The following LRRTM4 variants were observed in gnomAD, a reference collection of about 807,000 sequenced individuals.
The protein encoded by LRRTM4 is leucine-rich repeat transmembrane neuronal protein 4.
In LRRTM4, 25 loss-of-function variants were observed where a neutral mutation model predicts 47.6. The observed-to-expected ratio is 0.53, with a 90% CI of 0.38 to 0.73. The LOEUF (loss-of-function observed/expected upper bound fraction) is 0.73, where lower values mean the gene tolerates loss of function less well. LRRTM4 is among the 30% of genes least tolerant of loss of function. LRRTM4 has a pLI of 0.00. For synonymous variants in LRRTM4, 311 were observed against 269.5 expected (o/e 1.15, Z -1.51); for missense variants, 638 against 713.4 (o/e 0.89, Z 1.20).
At chr2:76,766,436 T>C (rs1372300603) in intron 3 of LRRTM4, among the ~76,000 whole-genome samples, 1 of 152,178 alleles carries the variant, frequency 6.6e-6, no homozygotes, top group Non-Finnish European at 1.5e-5. Context: ...ACTACTGAAA[T>C]GGAGTCCAGG....
intron 3 of LRRTM4, among the ~76,000 whole-genome samples, chr2:76,999,765 C>G (rs1217464220): frequency 6.6e-6 from 1 of 152,130 alleles, no homozygotes; most frequent in Non-Finnish European, 1.5e-5. Context: ...TAGAATTTCT[C>G]TGTCTGTACC....
At chr2:76,946,155 C>T (rs1452399130) in intron 3 of LRRTM4, among the ~76,000 whole-genome samples, 1 of 151,864 alleles carries the variant, frequency 6.6e-6, no homozygotes, top group Admixed American at 6.6e-5. Context: ...AGGTAGAAAT[C>T]CTTCTGCAGA....
chr2:76,996,038 TAAAATAAG>T (rs1159444801), intron 3 of LRRTM4, among the ~76,000 whole-genome samples: 2 of 110,276 alleles, frequency 1.8e-5, no homozygotes, highest in African/African-American at 8.3e-5. Context: ...CTCAGAGAAA[TAAAATAAG>T]AAGATCGTAA....
Position 77,207,372 on chromosome 2 carries a change from T to TATATATATATATACACACAC in LRRTM4, c.1551+310945_1551+310946insGTGTGTGTATATATATATAT, listed in dbSNP as rs59335400. On this transcript the variant is annotated intron_variant, in intron 3 of 3. Coordinates refer to ENST00000409884, the MANE Select transcript of LRRTM4 (RefSeq NM_001134745.3). ...GTGTATATATATATATATATATATA[T>TATATATATATATACACACAC]ACACACACACATATTTATATACACA... 5.6e-3 allele frequency among the ~76,000 whole-genome samples: 731 copies of TATATATATATATACACACAC among 130,746 alleles called. 5 individuals carry two copies. The highest frequency in any genetic ancestry group is 0.031 in the East Asian group (112 of 3,614). 85.8% of individuals were successfully genotyped at this position (130,746 alleles called of 152,430 possible).
intron 3 of LRRTM4, among the ~76,000 whole-genome samples, chr2:77,210,922 G>A (rs528070763): frequency 6.6e-6 from 1 of 152,256 alleles, no homozygotes; most frequent in South Asian, 2.1e-4. Context: ...GCTCTGCTGA[G>A]CAACGGGAGA....
At chr2:77,091,756 C>T (rs1283064668) in intron 3 of LRRTM4, among the ~76,000 whole-genome samples, 3 of 150,026 alleles carry the variant, frequency 2.0e-5, no homozygotes, top group Non-Finnish European at 4.5e-5. Flanking sequence ...TCACAGACAG[C>T]CCCCATTACT....
At chr2:77,457,109 T>C (rs1233216446) in intron 3 of LRRTM4, among the ~76,000 whole-genome samples, 2 of 145,314 alleles carry the variant, frequency 1.4e-5, no homozygotes, top group African/African-American at 5.1e-5. Context: ...GATTTTTTTT[T>C]TCTCAGTGAT....
intron 3 of LRRTM4, among the ~76,000 whole-genome samples, chr2:76,821,037 G>A (rs1041654833): frequency 6.6e-6 from 1 of 151,612 alleles, no homozygotes; most frequent in African/African-American, 2.4e-5. Flanking sequence ...CTGTGCAAGG[G>A]TCTATATTCC....
chr2:77,100,262 A>T (rs1004457063), intron 3 of LRRTM4, among the ~76,000 whole-genome samples: 2 of 152,172 alleles, frequency 1.3e-5, no homozygotes, highest in African/African-American at 4.8e-5. Flanking sequence ...ACTTCATCAG[A>T]TAACACTCAT....
At chr2:77,222,514 A>G (rs1202687379) in intron 3 of LRRTM4, among the ~76,000 whole-genome samples, 1 of 152,230 alleles carries the variant, frequency 6.6e-6, no homozygotes, top group African/African-American at 2.4e-5. Context: ...ATAAAATATG[A>G]CAAAGAGGAT....
At chr2:76,763,796 T>C (rs1673350928) in intron 3 of LRRTM4, among the ~76,000 whole-genome samples, 1 of 152,176 alleles carries the variant, frequency 6.6e-6, no homozygotes, top group Non-Finnish European at 1.5e-5. Flanking sequence ...TTAATTCTGG[T>C]GCGGAATCAC....
intron 3 of LRRTM4, among the ~76,000 whole-genome samples, chr2:77,167,668 T>C (rs989962118): frequency 1.3e-5 from 2 of 152,148 alleles, no homozygotes; most frequent in Non-Finnish European, 2.9e-5. Context: ...TGGATGAAGC[T>C]GGAAACCGTC....
chr2:77,035,162 A>G (rs1558540878), intron 3 of LRRTM4, among the ~76,000 whole-genome samples: 4 of 151,748 alleles, frequency 2.6e-5, no homozygotes, highest in Admixed American at 6.6e-5. Flanking sequence ...TGCTGCACCC[A>G]TTAACTCGTC....
At chr2:77,304,219 C>T (rs549388032) in intron 3 of LRRTM4, among the ~76,000 whole-genome samples, 1 of 152,092 alleles carries the variant, frequency 6.6e-6, no homozygotes, top group Non-Finnish European at 1.5e-5. Context: ...AGCACTTGTT[C>T]ATATACATGT....
chr2:76,941,303 C>T (rs1437186801), intron 3 of LRRTM4, among the ~76,000 whole-genome samples: 1 of 152,026 alleles, frequency 6.6e-6, no homozygotes, highest in Non-Finnish European at 1.5e-5. Context: ...TTGTGTAAAA[C>T]ACATTTTATT....
At chr2:77,501,185 T>A (rs780050611) in intron 3 of LRRTM4, among the ~76,000 whole-genome samples, 3 of 150,480 alleles carry the variant, frequency 2.0e-5, no homozygotes, top group Admixed American at 6.7e-5. Flanking sequence ...ATGGAAATAA[T>A]ACCCCAAATA....
At chr2:77,387,375 T>C (rs772734560) in intron 3 of LRRTM4, among the ~76,000 whole-genome samples, 1 of 152,162 alleles carries the variant, frequency 6.6e-6, no homozygotes, top group African/African-American at 2.4e-5. Context: ...GGACTTCTCA[T>C]GTTCCTGTAT....
intron 3 of LRRTM4, among the ~76,000 whole-genome samples, chr2:77,449,864 CT>C (rs1343600892): frequency 5.3e-5 from 8 of 152,198 alleles, no homozygotes; most frequent in African/African-American, 1.9e-4. Context: ...CTCTCCAGCG[CT>C]GCTGTTAATG....
At chr2:76,753,573 T>G (rs1325280280) in intron 3 of LRRTM4, among the ~76,000 whole-genome samples, 1 of 152,138 alleles carries the variant, frequency 6.6e-6, no homozygotes, top group African/African-American at 2.4e-5. Context: ...AAGTTAAAAG[T>G]GACACATTTT....
Sources: allele counts gnomAD v4.1 joint callset (sites outside exome capture counted in the v4.1 genomes callset), GRCh38; gene constraint gnomAD v4.1.1; transcripts MANE v1.5; gene names NCBI Gene and HGNC (gene_info 2026-07-23, HGNC 2026-07-21).